Variants in CFI observed in about 807,000 individuals in gnomAD.
The protein encoded by CFI is complement factor I.
In CFI, 66 loss-of-function variants were observed where a neutral mutation model predicts 78.8. That is an observed-to-expected ratio of 0.84 (90% confidence interval 0.69 to 1.03). The LOEUF (loss-of-function observed/expected upper bound fraction) is 1.03, where lower values mean the gene tolerates loss of function less well. Among genes scored for constraint, CFI ranks in the 50% least tolerant of loss-of-function variants. CFI has a pLI of 0.00. For synonymous variants in CFI, 250 were observed against 232.6 expected (o/e 1.07, Z -0.68); for missense variants, 706 against 704.5 (o/e 1.00, Z -0.02).
chr4:109,734,560 T>C, the CFI span, among the ~76,000 whole-genome samples: 39 of 152,304 alleles, frequency 2.6e-4, no homozygotes, highest in African/African-American at 7.0e-4. Flanking sequence ...TTCTAGCACT[T>C]TGGGAGGCCA....
Position 109,801,608 on chromosome 4 carries a change from A to T in CFI, c.57+307T>A, listed in dbSNP as rs547056730. The stretch of plus-strand genomic sequence containing the variant: ...CTGTCTTCGTAGCACTGTACCTTAC[A>T]CACAGGAGGAGCCTGGTAAATATTT... On this transcript the variant is annotated intron_variant, in intron 1 of 12. Coordinates refer to ENST00000394634, the MANE Select transcript of CFI (RefSeq NM_000204.5). Among the ~76,000 whole-genome samples the T allele has an allele frequency of 1.7e-3, 264 of 152,350 alleles. 2 individuals carry two copies. The Middle Eastern group carries it at 0.031, about 18-fold the overall frequency.
At chr4:109,762,001 C>A (rs1479378161) in intron 3 of CFI, 2 of 334,036 alleles carry the variant, frequency 6.0e-6, no homozygotes, top group South Asian at 2.8e-5. Context: ...ACCAGCCTGG[C>A]CAATATGGTG....
chr4:109,766,011 A>G (rs1280143907), intron 2 of CFI, among the ~76,000 whole-genome samples: 3 of 152,016 alleles, frequency 2.0e-5, no homozygotes, highest in South Asian at 2.1e-4. Context: ...CCAGCTACTC[A>G]GGAGGCTGAG....
chr4:109,732,710 A>G, the CFI span, among the ~76,000 whole-genome samples: 5 of 151,986 alleles, frequency 3.3e-5, no homozygotes, highest in African/African-American at 1.2e-4. Context: ...ACAAAAAGTT[A>G]GCTGGGCATG....
chr4:109,771,809 C>T (rs896964945), intron 1 of CFI, among the ~76,000 whole-genome samples: 3 of 149,416 alleles, frequency 2.0e-5, no homozygotes, highest in African/African-American at 7.4e-5. Context: ...CATAAAGGGC[C>T]ACGGAGTAAA....
At chr4:109,762,567 T>A (rs1391356676) in intron 3 of CFI, 1 of 152,004 alleles carries the variant, frequency 6.6e-6, no homozygotes, top group Non-Finnish European at 1.5e-5. Flanking sequence ...AAATAAAAAA[T>A]TGAGCAAAGA....
At chr4:109,737,545 G>A (rs1478202183), downstream of CFI, among the ~76,000 whole-genome samples, 4 of 152,162 alleles carry the variant, frequency 2.6e-5, no homozygotes, top group African/African-American at 7.2e-5. Flanking sequence ...AATATAAGAC[G>A]ATGGCAGAGC....
intron 1 of CFI, among the ~76,000 whole-genome samples, chr4:109,786,636 C>T (rs1005477544): frequency 2.6e-4 from 40 of 152,042 alleles, no homozygotes; most frequent in Admixed American, 1.1e-3. Context: ...TCCCTTTCTT[C>T]TGGGTACTAT....
At chr4:109,777,647 A>T (rs1406116339) in intron 1 of CFI, among the ~76,000 whole-genome samples, 4 of 152,374 alleles carry the variant, frequency 2.6e-5, no homozygotes, top group African/African-American at 7.2e-5. Flanking sequence ...AGACATCGAC[A>T]GAACTCTCCA....
intron 1 of CFI, among the ~76,000 whole-genome samples, chr4:109,787,098 C>T (rs193137210): frequency 1.3e-5 from 2 of 152,202 alleles, no homozygotes; most frequent in Non-Finnish European, 2.9e-5. Flanking sequence ...CACTGACCTA[C>T]AGACTTGTAT....
In CFI at chr4:109,752,936, A is replaced by ATTTATTATATG. The variant is rs1491281459; in HGVS notation, c.905-434_905-433insCATATAATAAA. On this transcript the variant is annotated intron_variant, in intron 7 of 12. Coordinates refer to ENST00000394634, the MANE Select transcript of CFI (RefSeq NM_000204.5). ...TATTTATAATATATATTTATTATAT[A>ATTTATTATATG]AATAAATATTTATAATACATATTTA... Among the ~76,000 whole-genome samples, 325 of 66,010 alleles carry ATTTATTATATG rather than the reference A, an allele frequency of 4.9e-3. 16 individuals carry two copies. Among genetic ancestry groups the ATTTATTATATG allele is most frequent in the African/African-American group, 9.7e-3 (174 of 17,894 alleles). The allele number at this position is 66,010 out of a possible 152,430, so 43.3% of individuals were successfully genotyped here.
intron 11 of CFI, among the ~76,000 whole-genome samples, chr4:109,743,068 A>T (rs546463640): frequency 3.3e-5 from 5 of 152,332 alleles, no homozygotes; most frequent in African/African-American, 1.2e-4. Context: ...TGTGTCTGAG[A>T]AGAAAAATCC....
chr4:109,787,417 G>A (rs4288008), intron 1 of CFI, among the ~76,000 whole-genome samples: 45,809 of 151,648 alleles, frequency 0.3, 7,383 homozygotes, highest in Admixed American at 0.47. Flanking sequence ...GGAGCTGCCC[G>A]TTTTGCATTG....
rs1437470671 is a variant in CFI at position 109,752,504 on chromosome 4, C to G, written c.905-1G>C. 1.2e-6 allele frequency: 2 copies of G among 1,611,922 alleles called. No individual in the cohort carries two copies. Among genetic ancestry groups the G allele is most frequent in the Admixed American group, 3.3e-5 (2 of 59,916 alleles). On this transcript the variant is annotated splice_acceptor_variant, in intron 7 of 12. Coordinates refer to ENST00000394634, the MANE Select transcript of CFI (RefSeq NM_000204.5). LOFTEE classifies it high-confidence loss of function. ...TCAGCAGTCAAAATTTCTGTTTCTT[C>G]TATGATAAAACAAAAGATTCCAATG...
At chr4:109,780,334 A>G (rs1272136093) in intron 1 of CFI, among the ~76,000 whole-genome samples, 1 of 152,210 alleles carries the variant, frequency 6.6e-6, no homozygotes, top group Non-Finnish European at 1.5e-5. Flanking sequence ...AAAGTGGTCG[A>G]AGGATATGAA....
At chr4:109,783,975 G>A (rs62324933) in intron 1 of CFI, among the ~76,000 whole-genome samples, 33,459 of 150,450 alleles carry the variant, frequency 0.22, 4,478 homozygotes, top group Admixed American at 0.35. Flanking sequence ...ATATGTGGAA[G>A]CTAAGTTATG....
At chr4:109,771,557 A>G (rs1728591902) in intron 1 of CFI, among the ~76,000 whole-genome samples, 1 of 151,234 alleles carries the variant, frequency 6.6e-6, no homozygotes, top group South Asian at 2.1e-4. Context: ...ATACAAAAAA[A>G]AAAAAAATTA....
Position 109,746,499 on chromosome 4 carries a change from G to C in CFI, c.1152C>G (p.Ala384=). 1.2e-6 allele frequency: 2 copies of C among 1,608,528 alleles called. No homozygotes were observed. Among genetic ancestry groups the C allele is most frequent in the South Asian group, 2.2e-5 (2 of 90,382 alleles). ...ATATTTGGTAACGATGAGTTTTACTGGCTCTATAACAGAAAAAAAAAGGAA... is the reference window on the plus strand; with the variant it reads ...ATATTTGGTAACGATGAGTTTTACTCGCTCTATAACAGAAAAAAAAAGGAA... ...WILTAAHCLR[A]SKTHRYQIWT... The change falls in exon 11 of 13, where the codon GCC becomes GCG. Residue 384 remains alanine (A), a synonymous_variant. Transcript: ENST00000394634.
rs1726433621 is a variant in CFI, at chr4:109,757,243, C to G, written c.904+520G>C. ...TAGAGATGGGGTTTCACCGTGTTAG[C>G]CAGGATGGTCTCAATCTCCTGACCT... On this transcript the variant is annotated intron_variant, in intron 7 of 12. Coordinates refer to ENST00000394634, the MANE Select transcript of CFI (RefSeq NM_000204.5). Among the ~76,000 whole-genome samples, 6 of 150,630 alleles carry G rather than the reference C, an allele frequency of 4.0e-5. No individual in the cohort carries two copies. In the South Asian group the frequency reaches 1.3e-3, roughly 32 times the overall value.
Sources: allele counts gnomAD v4.1 joint callset (sites outside exome capture counted in the v4.1 genomes callset), GRCh38; gene constraint gnomAD v4.1.1; transcripts MANE v1.5; gene names NCBI Gene and HGNC (gene_info 2026-07-23, HGNC 2026-07-21).